PANK2: variants seen among roughly 807,000 people sequenced by gnomAD.
PANK2 encodes the protein pantothenate kinase 2, mitochondrial.
A neutral mutation model predicts 43.1 loss-of-function variants in PANK2; 36 were observed. The observed-to-expected ratio is 0.84, with a 90% CI of 0.64 to 1.10. The LOEUF (loss-of-function observed/expected upper bound fraction) is 1.10, where lower values mean the gene tolerates loss of function less well. PANK2 is among the 50% of genes least tolerant of loss of function. The probability of loss-of-function intolerance (pLI) is 0.00; values close to 1 mark genes in which losing one functional copy is unlikely to be tolerated. For missense variants in PANK2, 576 were observed against 593.3 expected, an observed-to-expected ratio of 0.97 and a Z score of 0.30; for synonymous variants, 281 against 238.2, an observed-to-expected ratio of 1.18 and a Z score of -1.66.
chr20:3,904,566 T>A (rs2090355567), intron 1 of PANK2, among the ~76,000 whole-genome samples: 1 of 152,188 alleles, frequency 6.6e-6, no homozygotes, highest in South Asian at 2.1e-4. Flanking sequence ...CAACACGCTG[T>A]CTCTAAAAAT....
At chr20:3,893,222 GT>G (rs1300225478) in intron 1 of PANK2, among the ~76,000 whole-genome samples, 1 of 152,090 alleles carries the variant, frequency 6.6e-6, no homozygotes, top group East Asian at 1.9e-4. Context: ...ATGGAGTTGG[GT>G]TTTGATTCCT....
At position 3,897,058 on chromosome 20, in the gene PANK2, G is replaced by A. The variant is rs1212314040; in HGVS notation, c.298+7330G>A. On this transcript the variant is annotated intron_variant, in intron 1 of 6. Coordinates refer to ENST00000610179, the MANE Select transcript of PANK2 (RefSeq NM_001386393.1). ...TGATGCTATCTCCAGGTACATAGTC[G>A]TTGGAATTGCATTGGAGGGCACCCA... is the stretch of plus-strand genomic sequence containing the variant. Among the ~76,000 whole-genome samples, 4 of 152,160 alleles carry A rather than the reference G, an allele frequency of 2.6e-5. No homozygotes were observed. In the East Asian group the frequency reaches 5.8e-4, roughly 22 times the overall value.
rs1289561295 is a variant in PANK2, at chr20:3,925,343, C to T, written c.*2049C>T. 1 of 152,454 alleles carries T rather than the reference C, an allele frequency of 6.6e-6. No individual in the cohort carries two copies. The highest frequency in any genetic ancestry group is 2.4e-5 in the African/African-American group (1 of 41,468). 9.4% of individuals were successfully genotyped at this position (152,454 alleles called of 1,614,324 possible). ...CTGCCTTCCAGGCTCAAGCAATTCT[C>T]CTGCCTTAGCCTCCTGCGTAGCTGA... On this transcript the variant is annotated 3_prime_UTR_variant, in exon 7 of 7. Transcript: ENST00000610179.
intron 1 of PANK2, among the ~76,000 whole-genome samples, chr20:3,903,010 CACA>C (rs2090327690): frequency 6.9e-6 from 1 of 144,138 alleles, no homozygotes; most frequent in African/African-American, 2.5e-5. Flanking sequence ...CACACACACA[CACA>C]CACACCCCTT....
intron 1 of PANK2, among the ~76,000 whole-genome samples, chr20:3,890,415 C>G (rs1191036204): frequency 2.6e-5 from 4 of 152,204 alleles, no homozygotes; most frequent in East Asian, 1.9e-4. Flanking sequence ...TTGGGAGTTG[C>G]ATACGCTCCT....
At chr20:3,904,947 G>T (rs975271011) in intron 1 of PANK2, among the ~76,000 whole-genome samples, 1 of 152,174 alleles carries the variant, frequency 6.6e-6, no homozygotes, top group Admixed American at 6.5e-5. Context: ...ATTGATTTTA[G>T]GGGAGGTATG....
chr20:3,913,162 T>TC (rs1177996498), intron 4 of PANK2, among the ~76,000 whole-genome samples: 6 of 151,822 alleles, frequency 4.0e-5, no homozygotes, highest in Non-Finnish European at 7.4e-5. Flanking sequence ...GACTCTCCAT[T>TC]CCCCCCACAG....
intron 4 of PANK2, among the ~76,000 whole-genome samples, chr20:3,914,068 C>G (rs372542824): frequency 1.3e-5 from 2 of 150,786 alleles, no homozygotes; most frequent in East Asian, 3.9e-4. Context: ...GGATTACAGG[C>G]GTGAGCCACT....
chr20:3,904,358 A>G (rs1362580656), intron 1 of PANK2, among the ~76,000 whole-genome samples: 1 of 151,906 alleles, frequency 6.6e-6, no homozygotes, highest in African/African-American at 2.4e-5. Flanking sequence ...AAGTGGGAGG[A>G]TTGCTGGAGG....
At position 3,891,773 on chromosome 20, in the gene PANK2, A is replaced by G. The variant is rs567597849; in HGVS notation, c.298+2045A>G. The stretch of plus-strand genomic sequence containing the variant: ...CAGGTGACTCAAAGACCACACTCAG[A>G]AAAACCGGTTTACACTGGGTGGGGA... On this transcript the variant is annotated intron_variant, in intron 1 of 6. Transcript: ENST00000610179. Among the ~76,000 whole-genome samples the G allele has an allele frequency of 9.9e-4, 151 of 152,316 alleles. 1 individual carries two copies. The highest frequency in any genetic ancestry group is 3.5e-3 in the African/African-American group (147 of 41,576).
At chr20:3,901,740 C>G (rs1050389801) in intron 1 of PANK2, 6 of 341,084 alleles carry the variant, frequency 1.8e-5, no homozygotes, top group Non-Finnish European at 2.1e-5. Flanking sequence ...TTATGGCATT[C>G]ATCTACCAAT....
intron 1 of PANK2, among the ~76,000 whole-genome samples, chr20:3,907,286 A>G (rs946348433): frequency 1.1e-4 from 16 of 151,572 alleles, no homozygotes; most frequent in African/African-American, 3.6e-4. Context: ...TTTAGTAGAG[A>G]TGGGGTTTTA....
In PANK2 at chr20:3,889,676, C is replaced by G; in HGVS notation, c.246C>G (p.Gly82=). 1 of 1,592,268 alleles carries G rather than the reference C, an allele frequency of 6.3e-7. No individual in the cohort carries two copies. The highest frequency in any genetic ancestry group is 1.7e-5 in the Admixed American group (1 of 59,566). Residue 82 remains glycine (G), a synonymous_variant, in exon 1 of 7, where the codon GGC becomes GGG. Coordinates refer to ENST00000610179, the MANE Select transcript of PANK2 (RefSeq NM_001386393.1). The stretch of plus-strand genomic sequence containing the variant: ...GGGATCGACTGGGCTCTTACAGCGG[C>G]CCCACCTCGGTCTCCCGCCAGCGCG...
intron 2 of PANK2, chr20:3,908,562 G>C: frequency 2.4e-6 from 1 of 420,034 alleles, no homozygotes; most frequent in Non-Finnish European, 4.4e-6. Context: ...CTACCTAAAA[G>C]GAACATCATT....
chr20:3,927,665 C>T lies in PANK2; in HGVS notation c.*4371C>T, dbSNP rs1321873271. 2 of 152,254 alleles carry T rather than the reference C, an allele frequency of 1.3e-5. No homozygotes were observed. The highest frequency in any genetic ancestry group is 2.9e-5 in the Non-Finnish European group (2 of 68,048). The allele number at this position is 152,254 out of a possible 1,614,324, so 9.4% of individuals were successfully genotyped here. ...ACCAGCAACACTCTAGGAAGACCAG[C>T]TGTCACCAGAAGGGAGTTCCTAACA... is the stretch of plus-strand genomic sequence containing the variant. On this transcript the variant is annotated 3_prime_UTR_variant, in exon 7 of 7. Transcript: ENST00000610179.
intron 1 of PANK2, among the ~76,000 whole-genome samples, chr20:3,898,352 A>G (rs2090244820): frequency 6.6e-6 from 1 of 151,860 alleles, no homozygotes; most frequent in Non-Finnish European, 1.5e-5. Context: ...GGCGCCCACC[A>G]CCATGCCTGA....
intron 1 of PANK2, among the ~76,000 whole-genome samples, chr20:3,899,557 A>G (rs965342692): frequency 1.3e-5 from 2 of 151,082 alleles, no homozygotes; most frequent in African/African-American, 4.9e-5. Context: ...TTCTACCATA[A>G]TTTTGTAGGT....
chr20:3,906,741 G>A (rs2090392511), intron 1 of PANK2, among the ~76,000 whole-genome samples: 1 of 152,114 alleles, frequency 6.6e-6, no homozygotes, highest in African/African-American at 2.4e-5. Flanking sequence ...ATTACTTTGA[G>A]CCCTCATTAA....
chr20:3,909,126 C>G (rs1288950404), intron 2 of PANK2, among the ~76,000 whole-genome samples: 1 of 152,126 alleles, frequency 6.6e-6, no homozygotes. Flanking sequence ...GAGTTTTGTT[C>G]TTGTTCCCAG....
Sources: allele counts gnomAD v4.1 joint callset (sites outside exome capture counted in the v4.1 genomes callset), GRCh38; gene constraint gnomAD v4.1.1; transcripts MANE v1.5; gene names NCBI Gene and HGNC (gene_info 2026-07-23, HGNC 2026-07-21).